Variants in FLI1 observed in about 807,000 individuals in gnomAD.
FLI1 encodes the protein Fli-1 proto-oncogene, ETS transcription factor.
A neutral mutation model predicts 53.1 loss-of-function variants in FLI1; 13 were observed. The ratio of observed to expected loss-of-function variants is 0.24; its 90% CI spans 0.16 to 0.39. The LOEUF is 0.39. Ranked by LOEUF, FLI1 falls within the 10% of genes least tolerant of loss-of-function variation. The pLI is 1.00. For missense variants in FLI1, 424 were observed against 600.5 expected (o/e 0.71, Z 3.07); for synonymous variants, 244 against 236.7 (o/e 1.03, Z -0.28).
chr11:128,797,934 C>T (rs1942490122), intron 5 of FLI1, among the ~76,000 whole-genome samples: 1 of 152,096 alleles, frequency 6.6e-6, no homozygotes, highest in South Asian at 2.1e-4. Context: ...ACCTGCAGAA[C>T]TTTGAAAGCA....
chr11:128,788,402 G>A (rs879385042), intron 5 of FLI1, among the ~76,000 whole-genome samples: 1 of 152,098 alleles, frequency 6.6e-6, no homozygotes, highest in Non-Finnish European at 1.5e-5. Flanking sequence ...CCGGGAGGCG[G>A]AGGTTGCAGT....
At chr11:128,722,200 G>T (rs575502534) in intron 1 of FLI1, among the ~76,000 whole-genome samples, 16 of 152,194 alleles carry the variant, frequency 1.1e-4, no homozygotes, top group African/African-American at 3.9e-4. Context: ...TTTGACACAC[G>T]ACTATATGAC....
At chr11:128,733,859 G>A (rs1229152066) in intron 1 of FLI1, among the ~76,000 whole-genome samples, 8 of 152,218 alleles carry the variant, frequency 5.3e-5, no homozygotes, top group African/African-American at 1.9e-4. Context: ...ATGCAAAGAA[G>A]TTCTTGTCTT....
chr11:128,687,155 G>T (rs1937593034), intron 1 of FLI1, among the ~76,000 whole-genome samples: 1 of 152,268 alleles, frequency 6.6e-6, no homozygotes, highest in Non-Finnish European at 1.5e-5. Flanking sequence ...CGGGCGCCAC[G>T]CGCTTCTCCT....
chr11:128,809,249 G>T, intron 8 of FLI1, 45 bp downstream of exon 8: 1 of 1,549,652 alleles, frequency 6.5e-7, no homozygotes, highest in South Asian at 1.1e-5. Context: ...AGAATGTTTC[G>T]TAGCTTTGTG....
chr11:128,761,281 C>T (rs550708634), intron 2 of FLI1, among the ~76,000 whole-genome samples: 2 of 152,286 alleles, frequency 1.3e-5, no homozygotes, highest in South Asian at 4.1e-4. Context: ...TTGGGTTTCT[C>T]TACCTGAACC....
At chr11:128,809,012 C>T in intron 7 of FLI1, 145 bp from the exon 8 acceptor site, 1 of 580,272 alleles carries the variant, frequency 1.7e-6, no homozygotes, top group Non-Finnish European at 3.0e-6. Flanking sequence ...TTGAGATCTG[C>T]AAATAAAAGC....
intron 5 of FLI1, 187 bp from the exon 6 acceptor site, chr11:128,805,179 A>G (rs1040767227): frequency 2.1e-6 from 1 of 473,370 alleles, no homozygotes; most frequent in Admixed American, 4.1e-5. Context: ...TAAGACTACA[A>G]TCTTCTGAAA....
intron 1 of FLI1, among the ~76,000 whole-genome samples, chr11:128,694,679 C>A (rs1160090843): frequency 6.6e-6 from 1 of 152,142 alleles, no homozygotes; most frequent in Non-Finnish European, 1.5e-5. Flanking sequence ...ACTGGGCTTC[C>A]TCTCCGCAGA....
At chr11:128,726,105 C>A (rs1281241053) in intron 1 of FLI1, among the ~76,000 whole-genome samples, 1 of 152,152 alleles carries the variant, frequency 6.6e-6, no homozygotes, top group Non-Finnish European at 1.5e-5. Context: ...AGTCTTCTTC[C>A]AGAACCCCCG....
chr11:128,754,086 C>A (rs1466230217), intron 1 of FLI1, among the ~76,000 whole-genome samples: 1 of 152,044 alleles, frequency 6.6e-6, no homozygotes, highest in African/African-American at 2.4e-5. Context: ...CCCATATTGG[C>A]TTTTCAAATT....
chr11:128,764,676 G>C (rs765637805), intron 2 of FLI1: 1 of 1,537,324 alleles, frequency 6.5e-7, no homozygotes, highest in South Asian at 1.2e-5. Context: ...TTAAAGAGCA[G>C]CCTTTTATGC....
At chr11:128,731,730 G>A (rs961820199) in intron 1 of FLI1, among the ~76,000 whole-genome samples, 9 of 152,146 alleles carry the variant, frequency 5.9e-5, no homozygotes, top group Admixed American at 1.3e-4. Context: ...TAGATGGGGC[G>A]CAGCGGCTCA....
chr11:128,753,670 A>G (rs55736088), intron 1 of FLI1, among the ~76,000 whole-genome samples: 2 of 152,272 alleles, frequency 1.3e-5, no homozygotes, highest in Non-Finnish European at 2.9e-5. Context: ...TAAGACACAC[A>G]TGAAGTAGCA....
intron 5 of FLI1, among the ~76,000 whole-genome samples, chr11:128,786,902 G>A (rs1230961709): frequency 6.6e-6 from 1 of 152,214 alleles, no homozygotes; most frequent in Admixed American, 6.5e-5. Context: ...GGCCTGTGGA[G>A]CACTGAGCTT....
rs199555637 is a variant in FLI1 at position 128,807,228 on chromosome 11, G to A, written c.770G>A (p.Arg257Gln). Residue 257 changes from arginine (R) to glutamine (Q), a missense_variant, in exon 7 of 9, where the codon CGG (arginine) becomes CAG (glutamine). By Grantham distance (43) the Arg-to-Gln change is conservative (BLOSUM62 1). Coordinates refer to ENST00000527786, the MANE Select transcript of FLI1 (RefSeq NM_002017.5). ...ACGATCAGTAAGAATACAGAGCAAC[G>A]GCCCCAGCCAGGTACCTGCCCAGGA... ...AQTISKNTEQ[R>Q]PQPDPYQILG... 24 of 1,597,888 alleles carry A rather than the reference G, an allele frequency of 1.5e-5. No homozygotes were observed. The highest frequency in any genetic ancestry group is 6.9e-5 in the Admixed American group (4 of 57,870).
At chr11:128,773,502 C>A (rs1178673011) in intron 4 of FLI1, among the ~76,000 whole-genome samples, 2 of 151,638 alleles carry the variant, frequency 1.3e-5, no homozygotes, top group Non-Finnish European at 2.9e-5. Flanking sequence ...GGAAGAGCAG[C>A]CAAAGGTGCA....
intron 4 of FLI1, among the ~76,000 whole-genome samples, chr11:128,780,479 C>T (rs1468022338): frequency 6.6e-6 from 1 of 152,224 alleles, no homozygotes; most frequent in Non-Finnish European, 1.5e-5. Flanking sequence ...CCTGTAATCC[C>T]AGCTACTGGG....
intron 5 of FLI1, among the ~76,000 whole-genome samples, chr11:128,794,335 T>A (rs1942366126): frequency 6.6e-6 from 1 of 152,240 alleles, no homozygotes; most frequent in Non-Finnish European, 1.5e-5. Context: ...ATGTGTTGGT[T>A]CTGCCTAGTA....
Sources: gnomAD v4.1 joint callset for allele counts (sites outside exome capture counted in the v4.1 genomes callset) on GRCh38, gnomAD v4.1.1 for gene constraint, MANE v1.5 for transcripts, NCBI Gene and HGNC (gene_info 2026-07-23, HGNC 2026-07-21) for gene names.